FILIP1L: variants seen among roughly 807,000 people sequenced by gnomAD.
FILIP1L encodes the protein filamin A-interacting protein 1-like.
Under a neutral mutation model 96.6 loss-of-function variants are expected in FILIP1L, and 55 were observed. The observed-to-expected ratio is 0.57, with a 90% CI of 0.46 to 0.71. The LOEUF is 0.71. Among genes scored for constraint, FILIP1L ranks in the 30% least tolerant of loss-of-function variants. The pLI, the probability that FILIP1L is intolerant of heterozygous loss-of-function variation, is 0.00. For missense variants in FILIP1L, 1,304 were observed against 1,321.2 expected (o/e 0.99, Z 0.20); for synonymous variants, 467 against 473.9 (o/e 0.99, Z 0.19).
At chr3:99,925,122 A>G (rs1707250205) in intron 3 of FILIP1L, among the ~76,000 whole-genome samples, 1 of 152,168 alleles carries the variant, frequency 6.6e-6, no homozygotes, top group African/African-American at 2.4e-5. Context: ...TCTCTGTACC[A>G]GTATATGCCT....
chr3:99,845,267 A>G (rs1297123749), intron 5 of FILIP1L, among the ~76,000 whole-genome samples: 1 of 152,192 alleles, frequency 6.6e-6, no homozygotes, highest in Non-Finnish European at 1.5e-5. Context: ...AAGTTTTGCC[A>G]TTGCTTTTAA....
chr3:100,035,775 C>T (rs1455685779), intron 1 of FILIP1L, among the ~76,000 whole-genome samples: 4 of 151,938 alleles, frequency 2.6e-5, no homozygotes, highest in South Asian at 4.1e-4. Context: ...AGAAAGAATC[C>T]CCATGTGCTC....
At chr3:99,833,295 G>A in intron 5 of FILIP1L, 1 of 1,573,128 alleles carries the variant, frequency 6.4e-7, no homozygotes, top group Non-Finnish European at 8.7e-7. Context: ...GAGTAAATTT[G>A]TGGAATATAT....
chr3:100,011,549 T>TA (rs757814435), intron 1 of FILIP1L, among the ~76,000 whole-genome samples: 61 of 152,346 alleles, frequency 4.0e-4, no homozygotes, highest in Non-Finnish European at 7.2e-4. Flanking sequence ...TTTATATCTA[T>TA]AAAGCCTGTT....
At chr3:100,013,116 G>A (rs920599898) in intron 1 of FILIP1L, among the ~76,000 whole-genome samples, 19 of 152,070 alleles carry the variant, frequency 1.2e-4, no homozygotes, top group African/African-American at 4.3e-4. Context: ...GGCTCAAGCA[G>A]TCCACCCACC....
rs571965800 is a variant in FILIP1L, at chr3:100,057,408, C to G, written c.-11+56645G>C. Among the ~76,000 whole-genome samples, 9 of 152,304 alleles carry G rather than the reference C, an allele frequency of 5.9e-5. No individual in the cohort carries two copies. The South Asian group carries it at 1.2e-3, about 21-fold the overall frequency. The stretch of plus-strand genomic sequence containing the variant: ...TCAAGGAAAAAGGCCAATAAAAGCC[C>G]AGACCTTTCAAGCTATAGAATCTGC... On this transcript the variant is annotated intron_variant, in intron 1 of 5. Coordinates refer to ENST00000477258, the MANE Select transcript of FILIP1L (RefSeq NM_001387850.1).
chr3:100,068,394 T>C (rs1454065109), intron 1 of FILIP1L, among the ~76,000 whole-genome samples: 3 of 151,452 alleles, frequency 2.0e-5, no homozygotes, highest in Admixed American at 6.6e-5. Flanking sequence ...CAGAGAGATA[T>C]AGTATCTTTT....
chr3:100,036,217 T>C (rs1200004772), intron 1 of FILIP1L, among the ~76,000 whole-genome samples: 1 of 152,210 alleles, frequency 6.6e-6, no homozygotes, highest in African/African-American at 2.4e-5. Context: ...CTTGTAGCAA[T>C]GAACACATGC....
intron 1 of FILIP1L, among the ~76,000 whole-genome samples, chr3:100,064,534 T>G (rs559787435): frequency 6.6e-6 from 1 of 152,330 alleles, no homozygotes; most frequent in East Asian, 1.9e-4. Flanking sequence ...CTTTATGTTT[T>G]GACAAATGCC....
intron 4 of FILIP1L, 149 bp downstream of exon 4, chr3:99,924,081 T>A: frequency 1.4e-6 from 1 of 711,696 alleles, no homozygotes. Context: ...ACTGATAATG[T>A]CTTCAAACAT....
intron 5 of FILIP1L, among the ~76,000 whole-genome samples, chr3:99,841,204 CACTT>C (rs1421125994): frequency 6.6e-5 from 10 of 152,226 alleles, no homozygotes; most frequent in Admixed American, 6.5e-4. Flanking sequence ...CGTTTCCACT[CACTT>C]GATTGACAGA....
At position 99,844,242 on chromosome 3, in the gene FILIP1L, T is replaced by C. The variant is rs182617558; in HGVS notation, c.3381+4053A>G. 3.1e-3 allele frequency among the ~76,000 whole-genome samples: 473 copies of C among 152,292 alleles called. 4 individuals are homozygous for C. Among genetic ancestry groups the C allele is most frequent in the African/African-American group, 0.011 (447 of 41,556 alleles). On this transcript the variant is annotated intron_variant, in intron 5 of 5. Transcript: ENST00000477258. ...GCAGAAGAGTTTGTTAAAATGCAGC[T>C]TTCTGGGCCCTACGCCCCCAGAGGT...
chr3:100,087,507 A>G (rs971546319), intron 1 of FILIP1L, among the ~76,000 whole-genome samples: 9 of 152,186 alleles, frequency 5.9e-5, no homozygotes, highest in Non-Finnish European at 1.2e-4. Flanking sequence ...ATCTTTTCAT[A>G]GACCTATTTT....
chr3:100,090,098 G>C (rs1168470336), intron 1 of FILIP1L, among the ~76,000 whole-genome samples: 1 of 152,220 alleles, frequency 6.6e-6, no homozygotes, highest in African/African-American at 2.4e-5. Context: ...ACTGTCTGCA[G>C]CTGATCCTTC....
intron 1 of FILIP1L, among the ~76,000 whole-genome samples, chr3:100,069,859 G>C (rs182165024): frequency 3.3e-5 from 5 of 152,176 alleles, no homozygotes; most frequent in Non-Finnish European, 1.5e-5. Flanking sequence ...ATCTACCCTG[G>C]ATATGAGAAA....
At chr3:99,866,026 A>G (rs890105452) in intron 4 of FILIP1L, among the ~76,000 whole-genome samples, 4 of 152,096 alleles carry the variant, frequency 2.6e-5, no homozygotes. Context: ...GGAGGATTTA[A>G]TATGATTCCT....
intron 3 of FILIP1L, among the ~76,000 whole-genome samples, chr3:99,925,348 C>T (rs1173329368): frequency 1.3e-5 from 2 of 152,166 alleles, no homozygotes; most frequent in South Asian, 2.1e-4. Flanking sequence ...ATGTGTTTGT[C>T]TCCCCTGCTA....
intron 1 of FILIP1L, among the ~76,000 whole-genome samples, chr3:100,038,756 C>T (rs1212491184): frequency 6.6e-6 from 1 of 152,162 alleles, no homozygotes; most frequent in Non-Finnish European, 1.5e-5. Context: ...CCACCTCAGC[C>T]TCCCAAGTAG....
chr3:99,974,543 C>G (rs1391072137), intron 1 of FILIP1L, among the ~76,000 whole-genome samples: 2 of 152,078 alleles, frequency 1.3e-5, no homozygotes, highest in Non-Finnish European at 2.9e-5. Context: ...AACCCCGTCT[C>G]TACTAAAAAT....
Sources: allele counts gnomAD v4.1 joint callset (sites outside exome capture counted in the v4.1 genomes callset), GRCh38; gene constraint gnomAD v4.1.1; transcripts MANE v1.5; gene names NCBI Gene and HGNC (gene_info 2026-07-23, HGNC 2026-07-21).